The following NUDT12 variants were observed in gnomAD, a reference collection of about 807,000 sequenced individuals.
NUDT12 encodes the protein nudix hydrolase 12.
NUDT12 carries 42 observed loss-of-function variants against 45.7 expected under a neutral mutation model. The observed-to-expected ratio is 0.92, with a 90% CI of 0.72 to 1.19. The LOEUF (loss-of-function observed/expected upper bound fraction) is 1.19. NUDT12 is among the 50% of genes most tolerant of loss of function. NUDT12 has a pLI of 0.00. For synonymous variants in NUDT12, 206 were observed against 179.7 expected (o/e 1.15, Z -1.17); for missense variants, 590 against 533.1 (o/e 1.11, Z -1.05).
rs370966762 is a variant in NUDT12, at chr5:103,559,296, C to T, written c.379G>A (p.Asp127Asn). 1.6e-5 allele frequency: 26 copies of T among 1,610,942 alleles called. No homozygotes were observed. Among genetic ancestry groups the T allele is most frequent in the Non-Finnish European group, 2.2e-5 (26 of 1,178,944 alleles). The change falls in exon 3 of 7, where the codon GAC becomes AAC. Residue 127 changes from aspartate (D) to asparagine (N), a missense_variant. Transcript: ENST00000230792. ...TTATTTCTCTTTTCACTTTTCCGGT[C>T]CAGTAGTGTTTTGCTAAAATAATTT... Reference protein sequence around the residue: ...CENYFSKTLLDRKSEKRNNSD... With the variant: ...CENYFSKTLLNRKSEKRNNSD...
intron 2 of NUDT12, 185 bp from the exon 3 acceptor site, chr5:103,559,653 C>G (rs1209326963): frequency 1.6e-5 from 7 of 447,400 alleles, no homozygotes; most frequent in Admixed American, 4.0e-5. Flanking sequence ...TCATAAATGA[C>G]AAAAAGTTAA....
chr5:103,550,972 C>T lies in NUDT12; in HGVS notation c.1279-1G>A. 1 of 1,606,072 alleles carries T rather than the reference C, an allele frequency of 6.2e-7. No individual in the cohort carries two copies. The highest frequency in any genetic ancestry group is 8.5e-7 in the Non-Finnish European group (1 of 1,172,924). On this transcript the variant is annotated splice_acceptor_variant, in intron 6 of 6. Coordinates refer to ENST00000230792, the MANE Select transcript of NUDT12 (RefSeq NM_031438.4). LOFTEE classifies it high-confidence loss of function. ...TCCCTTTGGTCAGAACATCCAGGAC[C>T]TAAAACACACCATAATAGAATGCAT...
In NUDT12 at chr5:103,560,135, A is replaced by G; in HGVS notation, c.114T>C (p.Leu38=). 1 of 1,613,860 alleles carries G rather than the reference A, an allele frequency of 6.2e-7. No homozygotes were observed. Among genetic ancestry groups the G allele is most frequent in the Non-Finnish European group, 8.5e-7 (1 of 1,179,756 alleles). ...LTGILSHSPS[L]LNETSENGWT... is the part of the protein sequence containing the mutation. ...AGCCATTTTCAGAAGTTTCATTGAG[A>G]AGAGATGGAGAATGACTGAGTATTC... The change falls in exon 2 of 7, where the codon CTT becomes CTC. Residue 38 remains leucine (L), a synonymous_variant. Transcript: ENST00000230792.
intron 4 of NUDT12, 98 bp downstream of exon 4, chr5:103,555,833 T>A: frequency 1.2e-6 from 1 of 839,466 alleles, no homozygotes; most frequent in Non-Finnish European, 1.7e-6. Flanking sequence ...ATGTTTTCCA[T>A]AAAAAGGAAA....
In NUDT12 at chr5:103,555,431, A is replaced by G. The variant is rs180971994; in HGVS notation, c.964+500T>C. On this transcript the variant is annotated intron_variant, in intron 4 of 6. Coordinates refer to ENST00000230792, the MANE Select transcript of NUDT12 (RefSeq NM_031438.4). Reference sequence around the variant, plus strand: ...AAAAATAGATGTCACTAAGCCATGTATTTTTCTCCCCAGAGGCCTCCTCAG... The same window carrying G: ...AAAAATAGATGTCACTAAGCCATGTGTTTTTCTCCCCAGAGGCCTCCTCAG... Among the ~76,000 whole-genome samples the G allele has an allele frequency of 2.0e-5, 3 of 152,118 alleles. No individual in the cohort carries two copies. The East Asian group carries it at 5.8e-4, about 29-fold the overall frequency.
chr5:103,560,622 A>G (rs2112458950), intron 1 of NUDT12, among the ~76,000 whole-genome samples: 1 of 152,272 alleles, frequency 6.6e-6, no homozygotes, highest in South Asian at 2.1e-4. Flanking sequence ...GAGCATTAAA[A>G]CAGATGGAAG....
chr5:103,558,926 A>G lies in NUDT12; in HGVS notation c.749T>C (p.Leu250Pro), dbSNP rs139871589. ...CAGAAGGGCTGGCATAGGAGGATGA[A>G]GAAAGTAACAATTTTCATGTCTTTG... Reference protein sequence around the residue: ...FKQRHENCYFLHPPMPALLQL... With the variant: ...FKQRHENCYFPHPPMPALLQL... The change falls in exon 3 of 7, where the codon CTT becomes CCT. Residue 250 changes from leucine (L) to proline (P), a missense_variant. Physicochemically the swap from Leu to Pro is moderately conservative, Grantham distance 98. Transcript: ENST00000230792. The G allele has an allele frequency of 1.9e-3, 3,101 of 1,608,504 alleles. 9 individuals are homozygous for G. The highest frequency in any genetic ancestry group is 1.9e-3 in the Non-Finnish European group (2,278 of 1,177,968).
Position 103,549,863 on chromosome 5 carries a change from C to T in NUDT12, c.*998G>A, listed in dbSNP as rs1293772599. The T allele has an allele frequency of 6.6e-6, 1 of 152,096 alleles. No individual in the cohort carries two copies. The highest frequency in any genetic ancestry group is 1.9e-4 in the East Asian group (1 of 5,180). 9.4% of individuals were successfully genotyped at this position (152,096 alleles called of 1,614,324 possible). On this transcript the variant is annotated 3_prime_UTR_variant, in exon 7 of 7. Transcript: ENST00000230792. ...CAGCTCTAAAATATACTTACTTTGT[C>T]AAGGCTTCTTAGAATGTGTTGAAAT...
At chr5:103,554,495 T>G (rs576517467) in intron 5 of NUDT12, 1 of 210,864 alleles carries the variant, frequency 4.7e-6, no homozygotes, top group South Asian at 1.6e-4. Flanking sequence ...GAGCAACATA[T>G]CAAAGAGCAA....
At chr5:103,556,838 T>C (rs1265153441) in intron 3 of NUDT12, among the ~76,000 whole-genome samples, 3 of 152,026 alleles carry the variant, frequency 2.0e-5, no homozygotes, top group East Asian at 1.9e-4. Flanking sequence ...TAAAATAGAT[T>C]ATTTGGTCTA....
chr5:103,562,088 T>A (rs1411064963), intron 1 of NUDT12, among the ~76,000 whole-genome samples: 1 of 152,240 alleles, frequency 6.6e-6, no homozygotes, highest in African/African-American at 2.4e-5. Flanking sequence ...AATAAAGTGC[T>A]GCCCTTGTTT....
intron 5 of NUDT12, among the ~76,000 whole-genome samples, 187 bp from the exon 6 acceptor site, chr5:103,552,603 A>G (rs922543488): frequency 6.6e-6 from 1 of 152,210 alleles, no homozygotes; most frequent in South Asian, 2.1e-4. Context: ...CCACATATAG[A>G]ATATCAAAAT....
Position 103,550,990 on chromosome 5 carries a change from G to C in NUDT12, c.1279-19C>G, listed in dbSNP as rs565950548. 6.6e-7 allele frequency: 1 copy of C among 1,522,862 alleles called. No homozygotes were observed. The highest frequency in any genetic ancestry group is 2.3e-5 in the East Asian group (1 of 44,408). 94.3% of individuals were successfully genotyped at this position (1,522,862 alleles called of 1,614,324 possible). Reference sequence around the variant, plus strand: ...CCAGGACCTAAAACACACCATAATAGAATGCATTAGGATTTCAAAGCTGTC... The same window carrying C: ...CCAGGACCTAAAACACACCATAATACAATGCATTAGGATTTCAAAGCTGTC... On this transcript the variant is annotated intron_variant, in intron 6 of 6. Transcript: ENST00000230792.
At chr5:103,561,657 A>G (rs1258007274) in intron 1 of NUDT12, among the ~76,000 whole-genome samples, 1 of 152,222 alleles carries the variant, frequency 6.6e-6, no homozygotes, top group Non-Finnish European at 1.5e-5. Flanking sequence ...GCACTGCTGT[A>G]CAGCTCCTGT....
At chr5:103,555,769 T>C (rs1267193650) in intron 4 of NUDT12, among the ~76,000 whole-genome samples, 162 bp downstream of exon 4, 1 of 152,052 alleles carries the variant, frequency 6.6e-6, no homozygotes, top group African/African-American at 2.4e-5. Context: ...CCATGTTTTT[T>C]ACTTAAAAAT....
At chr5:103,555,877 A>G (rs946498822) in intron 4 of NUDT12, 54 bp downstream of exon 4, 9 of 1,350,788 alleles carry the variant, frequency 6.7e-6, no homozygotes, top group Non-Finnish European at 8.7e-6. Flanking sequence ...TCTCTTTCCA[A>G]AATATCTTAT....
chr5:103,558,272 A>G (rs1041261256), intron 3 of NUDT12, among the ~76,000 whole-genome samples: 5 of 151,958 alleles, frequency 3.3e-5, no homozygotes, highest in African/African-American at 1.2e-4. Context: ...TATCCCTTCT[A>G]CCTCGAGAAT....
chr5:103,559,458 ATC>A lies in NUDT12; in HGVS notation c.215_216del (p.Arg72IlefsTer5), dbSNP rs760418309. On this transcript the variant is annotated frameshift_variant, in exon 3 of 7. Coordinates refer to ENST00000230792, the MANE Select transcript of NUDT12 (RefSeq NM_031438.4). LOFTEE classifies it high-confidence loss of function. ...GTCTGCCTTGATTTATTGACAATTG[ATC>A]TGTCACACCTATAGATGGAAGAAAA... ...VQFLLEKGCD[R>X]SIVNKSRQTA... 19 of 1,519,050 alleles carry A rather than the reference ATC, an allele frequency of 1.3e-5. No homozygotes were observed. 94.1% of individuals were successfully genotyped at this position (1,519,050 alleles called of 1,614,324 possible).
rs530565016 is a variant in NUDT12, at chr5:103,560,889, T to C, written c.-6-635A>G. Among the ~76,000 whole-genome samples the C allele has an allele frequency of 3.9e-5, 6 of 152,272 alleles. No homozygotes were observed. The South Asian group carries it at 1.2e-3, about 32-fold the overall frequency. On this transcript the variant is annotated intron_variant, in intron 1 of 6. Transcript: ENST00000230792. ...TGGTTCTATTATTGGACAGTTCTGT[T>C]GGTCACTTTGTTGTCCTTGAATCAG...
Sources: gnomAD v4.1 joint callset for allele counts (sites outside exome capture counted in the v4.1 genomes callset) on GRCh38, gnomAD v4.1.1 for gene constraint, MANE v1.5 for transcripts, NCBI Gene and HGNC (gene_info 2026-07-23, HGNC 2026-07-21) for gene names.